SPECC1: variants seen among roughly 807,000 people sequenced by gnomAD.
The protein encoded by SPECC1 is sperm antigen with calponin homology and coiled-coil domains 1, also known as cytospin-B.
Under a neutral mutation model 104.1 loss-of-function variants are expected in SPECC1, and 62 were observed. The observed-to-expected ratio is 0.60, with a 90% CI of 0.49 to 0.74. SPECC1 has a LOEUF of 0.74. Ranked by LOEUF, SPECC1 falls within the 30% of genes least tolerant of loss-of-function variation. The pLI is 0.00. For synonymous variants in SPECC1, 513 were observed against 501.6 expected, an observed-to-expected ratio of 1.02 and a Z score of -0.30; for missense variants, 1,306 against 1,310.5, an observed-to-expected ratio of 1.00 and a Z score of 0.05.
intron 3 of SPECC1, chr17:20,112,977 A>C (rs1597733375): frequency 8.8e-7 from 1 of 1,135,550 alleles, no homozygotes; most frequent in East Asian, 2.3e-5. Flanking sequence ...CACATGTCAC[A>C]AAGTGTTAGA....
At chr17:20,073,963 T>C (rs1485018971) in intron 1 of SPECC1, among the ~76,000 whole-genome samples, 1 of 152,224 alleles carries the variant, frequency 6.6e-6, no homozygotes, top group East Asian at 1.9e-4. Context: ...TGTTTTATCT[T>C]GCAAGGAAAG....
At chr17:20,146,702 C>T (rs983125491) in intron 3 of SPECC1, among the ~76,000 whole-genome samples, 2 of 151,980 alleles carry the variant, frequency 1.3e-5, no homozygotes, top group African/African-American at 4.8e-5. Context: ...GTCAGGAGTT[C>T]AAGACCAGCC....
intron 3 of SPECC1, among the ~76,000 whole-genome samples, chr17:20,183,745 G>A (rs2035069002): frequency 6.6e-6 from 1 of 152,028 alleles, no homozygotes; most frequent in Non-Finnish European, 1.5e-5. Context: ...AGAAAAACAT[G>A]TCTATATACA....
chr17:20,203,104 G>A (rs191538890), intron 3 of SPECC1, among the ~76,000 whole-genome samples: 5 of 152,116 alleles, frequency 3.3e-5, no homozygotes, highest in East Asian at 1.9e-4. Context: ...CTGCCTTAGC[G>A]CTGGGGCTGC....
intron 3 of SPECC1, among the ~76,000 whole-genome samples, chr17:20,115,196 C>T (rs1360296552): frequency 4.6e-5 from 7 of 152,086 alleles, no homozygotes; most frequent in African/African-American, 1.2e-4. Flanking sequence ...TGAGATCAGC[C>T]GGGCACGGTG....
intron 12 of SPECC1, among the ~76,000 whole-genome samples, chr17:20,281,455 A>G (rs1164035411): frequency 6.6e-6 from 1 of 152,168 alleles, no homozygotes; most frequent in African/African-American, 2.4e-5. Flanking sequence ...GAACCATGGT[A>G]GGACCATGCT....
At chr17:20,079,662 A>G (rs1340026968) in intron 1 of SPECC1, among the ~76,000 whole-genome samples, 1 of 152,222 alleles carries the variant, frequency 6.6e-6, no homozygotes, top group East Asian at 1.9e-4. Context: ...GCAGACATCC[A>G]GCACCCAGTC....
chr17:20,204,833 A>G lies in SPECC1; in HGVS notation c.784A>G (p.Asn262Asp), dbSNP rs2036664923. 6.2e-7 allele frequency: 1 copy of G among 1,614,042 alleles called. No homozygotes were observed. The highest frequency in any genetic ancestry group is 8.5e-7 in the Non-Finnish European group (1 of 1,180,012). Residue 262 changes from asparagine to aspartate, a missense_variant, in exon 4 of 15, where the codon AAT (asparagine) becomes GAT (aspartate). Physicochemically the swap from Asn to Asp is conservative, Grantham distance 23. Coordinates refer to ENST00000395527, the MANE Select transcript of SPECC1 (RefSeq NM_001243439.2). ...EKLIYLEHSP[N>D]SEGAASHTGD... ...ACTGATCTATCTTGAGCACTCCCCA[A>G]ATTCAGAAGGGGCAGCAAGTCACAC...
chr17:20,144,687 C>G (rs149874767), intron 3 of SPECC1, among the ~76,000 whole-genome samples: 16 of 152,312 alleles, frequency 1.1e-4, no homozygotes, highest in Middle Eastern at 3.4e-3. Flanking sequence ...TTAGATTAGA[C>G]TGGAGCTTCT....
rs371629332 is a variant in SPECC1 at position 20,244,980 on chromosome 17, A to C, written c.2352-946A>C. 2.6e-5 allele frequency among the ~76,000 whole-genome samples: 4 copies of C among 152,332 alleles called. No individual in the cohort carries two copies. The South Asian group carries it at 8.3e-4, about 32-fold the overall frequency. On this transcript the variant is annotated intron_variant, in intron 7 of 14. Coordinates refer to ENST00000395527, the MANE Select transcript of SPECC1 (RefSeq NM_001243439.2). ...AATGATCTATCATAGAATGCTTTCT[A>C]TGAGTCTAGAAGCCTCATGAAGAAC...
intron 3 of SPECC1, among the ~76,000 whole-genome samples, chr17:20,116,239 C>A (rs1308515186): frequency 1.3e-5 from 2 of 151,980 alleles, no homozygotes. Flanking sequence ...CAGGTGCCCG[C>A]CACCACGCCC....
chr17:20,014,991 G>T (rs926600179), intron 1 of SPECC1, among the ~76,000 whole-genome samples: 5 of 152,180 alleles, frequency 3.3e-5, no homozygotes, highest in African/African-American at 1.2e-4. Context: ...CTGACCTCAG[G>T]TGATCCACCT....
chr17:20,106,248 T>C (rs1048169228), intron 2 of SPECC1, among the ~76,000 whole-genome samples: 1 of 152,220 alleles, frequency 6.6e-6, no homozygotes, highest in Non-Finnish European at 1.5e-5. Flanking sequence ...GAGTGAGTAA[T>C]AGTTTTTCTC....
At chr17:20,091,975 G>A (rs2047422068) in intron 1 of SPECC1, among the ~76,000 whole-genome samples, 1 of 152,166 alleles carries the variant, frequency 6.6e-6, no homozygotes, top group Non-Finnish European at 1.5e-5. Context: ...GTGTTTTCAG[G>A]GAGCAGGAGA....
rs1345491468 is a variant in SPECC1, at chr17:20,252,261, T to TG, written c.2599-1244_2599-1243insG. Among the ~76,000 whole-genome samples, 4 of 151,712 alleles carry TG rather than the reference T, an allele frequency of 2.6e-5. No homozygotes were observed. The East Asian group carries it at 7.7e-4, about 29-fold the overall frequency. The stretch of plus-strand genomic sequence containing the variant: ...ATTGTATGGCAGGTCTCTAGAAAAA[T>TG]TTTTTTTTAAATTTTTAATTTTATT... On this transcript the variant is annotated intron_variant, in intron 9 of 14. Transcript: ENST00000395527.
At chr17:20,110,304 A>G (rs2048421323) in intron 2 of SPECC1, 123 bp from the exon 3 acceptor site, 3 of 1,197,614 alleles carry the variant, frequency 2.5e-6, no homozygotes, top group Non-Finnish European at 3.5e-6. Context: ...CATGCTACTC[A>G]AAGTGCTGTT....
At chr17:20,234,204 C>G (rs1306673598) in intron 7 of SPECC1, among the ~76,000 whole-genome samples, 1 of 151,996 alleles carries the variant, frequency 6.6e-6, no homozygotes, top group African/African-American at 2.4e-5. Context: ...TTTGATTTTC[C>G]AGTGATTTGC....
intron 12 of SPECC1, among the ~76,000 whole-genome samples, chr17:20,265,561 T>C (rs894755647): frequency 2.6e-5 from 4 of 152,218 alleles, no homozygotes; most frequent in African/African-American, 9.7e-5. Flanking sequence ...ACTCTGTTGA[T>C]AGCTTCTTTT....
intron 1 of SPECC1, among the ~76,000 whole-genome samples, chr17:20,071,420 GA>G (rs2046549539): frequency 6.6e-6 from 1 of 151,974 alleles, no homozygotes; most frequent in Non-Finnish European, 1.5e-5. Context: ...CTCCTTTAGA[GA>G]AGAATCAAGT....
Sources: gnomAD v4.1 joint callset for allele counts (sites outside exome capture counted in the v4.1 genomes callset) on GRCh38, gnomAD v4.1.1 for gene constraint, MANE v1.5 for transcripts, NCBI Gene and HGNC (gene_info 2026-07-23, HGNC 2026-07-21) for gene names.